The following TUBA3E variants were observed in gnomAD, a reference collection of about 807,000 sequenced individuals.
The protein encoded by TUBA3E is tubulin alpha-3E chain.
In TUBA3E, 21 loss-of-function variants were observed where a neutral mutation model predicts 36.7. That is an observed-to-expected ratio of 0.57 (90% CI 0.41 to 0.83). TUBA3E has a LOEUF of 0.83. Among genes scored for constraint, TUBA3E ranks in the 40% least tolerant of loss-of-function variants. The pLI is 0.00. For synonymous variants in TUBA3E, 177 were observed against 241.9 expected (o/e 0.73, Z 2.49); for missense variants, 469 against 604.2 (o/e 0.78, Z 2.35).
chr2:130,195,094 G>A lies in TUBA3E; in HGVS notation c.360C>T (p.Asp120=), dbSNP rs375882916. The A allele has an allele frequency of 2.4e-5, 38 of 1,613,020 alleles. No homozygotes were observed. The highest frequency in any genetic ancestry group is 5.0e-5 in the Admixed American group (3 of 59,932). ...CTCTTCTTACCAGTTTGCGGATCCGGTCCAGGACTAGGTCAACAATCTCCT... is the reference window on the plus strand; with the variant it reads ...CTCTTCTTACCAGTTTGCGGATCCGATCCAGGACTAGGTCAACAATCTCCT... ...IGKEIVDLVL[D]RIRKLADLCT... Residue 120 remains aspartate, a synonymous_variant, in exon 3 of 5, where the codon GAC becomes GAT. Coordinates refer to ENST00000312988, the MANE Select transcript of TUBA3E (RefSeq NM_207312.3).
chr2:130,193,798 C>A lies in TUBA3E; in HGVS notation c.1044G>T (p.Pro348=), dbSNP rs145603121. 724 of 1,607,822 alleles carry A rather than the reference C, an allele frequency of 4.5e-4. 3 individuals carry two copies. In the African/African-American group the frequency reaches 8.4e-3, roughly 19 times the overall value. Residue 348 remains proline (P), a synonymous_variant, in exon 4 of 5, where the codon CCG becomes CCT. Transcript: ENST00000312988. ...KRTIQFVDWC[P]TGFKVGINYQ... is the part of the protein sequence containing the mutation. ...CACCCAGTCATACCTTAAATCCAGTCGGGCACCAATCCACAAACTGGATAG... is the reference window on the plus strand; with the variant it reads ...CACCCAGTCATACCTTAAATCCAGTAGGGCACCAATCCACAAACTGGATAG...
At chr2:130,196,085 C>T (rs1261419026) in intron 2 of TUBA3E, 64 bp downstream of exon 2, 56 of 1,435,196 alleles carry the variant, frequency 3.9e-5, no homozygotes, top group Middle Eastern at 2.4e-4. Context: ...GGAGCCCACA[C>T]GGGGCTTTAC....
In TUBA3E at chr2:130,194,019, C is replaced by T; in HGVS notation, c.823G>A (p.Val275Ile). ...IHFPLATYAP[V>I]ISAEKAYHEQ... ...TGGTAGGCCTTCTCAGCTGAGATGA[C>T]TGGGGCGTAGGTGGCCAGGGGGAAG... is the stretch of plus-strand genomic sequence containing the variant. The change falls in exon 4 of 5, where the codon GTC becomes ATC. Residue 275 changes from valine (V) to isoleucine (I), a missense_variant. This residue lies in a region of TUBA3E where 296 missense variants were observed against 346.9 expected (regional missense o/e 0.85). Coordinates refer to ENST00000312988, the MANE Select transcript of TUBA3E (RefSeq NM_207312.3). 10 of 1,614,172 alleles carry T rather than the reference C, an allele frequency of 6.2e-6. No individual in the cohort carries two copies. Among genetic ancestry groups the T allele is most frequent in the Non-Finnish European group, 8.5e-6 (10 of 1,180,026 alleles).
In TUBA3E at chr2:130,198,208, A is replaced by T. The variant is rs6715912; in HGVS notation, c.3+150T>A. ...GCCCTGGGACCTGCAGATCCAGGAA[A>T]CGATCCCGTGTCCTCCTGTCCCGCA... On this transcript the variant is annotated intron_variant, in intron 1 of 4. Transcript: ENST00000312988. 0.015 allele frequency: 13,694 copies of T among 920,682 alleles called. 3,685 individuals carry two copies. In the African/African-American group the frequency reaches 0.22, roughly 15 times the overall value. 57.0% of individuals were successfully genotyped at this position (920,682 alleles called of 1,614,324 possible). A position where few individuals can be genotyped will look rare whatever the true frequency, so the allele number is the denominator to read the frequency against.
At chr2:130,195,619 C>T (rs1690385257) in intron 2 of TUBA3E, among the ~76,000 whole-genome samples, 1 of 152,252 alleles carries the variant, frequency 6.6e-6, no homozygotes, top group East Asian at 1.9e-4. Context: ...CCCATCAGGG[C>T]ACCCTGGATG....
In TUBA3E at chr2:130,194,736, G is replaced by A. The variant is rs2314000; in HGVS notation, c.376-270C>T. ...TCTGTTGCCCAGGTTAGAGTGCAGT[G>A]GTGCAATCTCAGCTCACTGCAACCT... On this transcript the variant is annotated intron_variant, in intron 3 of 4. Coordinates refer to ENST00000312988, the MANE Select transcript of TUBA3E (RefSeq NM_207312.3). 2.0e-5 allele frequency among the ~76,000 whole-genome samples: 3 copies of A among 152,244 alleles called. 1 individual carries two copies. The highest frequency in any genetic ancestry group is 4.1e-4 in the South Asian group (2 of 4,822).
rs750161838 is a variant in TUBA3E, at chr2:130,193,968, T to C, written c.874A>G (p.Thr292Ala). Residue 292 changes from threonine (T) to alanine (A), a missense_variant, in exon 4 of 5, where the codon ACC (threonine) becomes GCC (alanine). Physicochemically the swap from Thr to Ala is moderately conservative, Grantham distance 58. Coordinates refer to ENST00000312988, the MANE Select transcript of TUBA3E (RefSeq NM_207312.3). Reference protein sequence around the residue: ...YHEQLSVAEITNACFEPANQM... With the variant: ...YHEQLSVAEIANACFEPANQM... ...TTGGCTGGCTCGAAGCAGGCATTGG[T>C]GATCTCGGCCACAGACAGCTGCTCG... 5 of 1,614,202 alleles carry C rather than the reference T, an allele frequency of 3.1e-6. No individual in the cohort carries two copies. Among genetic ancestry groups the C allele is most frequent in the Non-Finnish European group, 4.2e-6 (5 of 1,180,046 alleles).
At chr2:130,196,493 A>G (rs946339211) in intron 1 of TUBA3E, 122 bp from the exon 2 acceptor site, 7 of 1,384,824 alleles carry the variant, frequency 5.1e-6, no homozygotes, top group African/African-American at 2.9e-5. Flanking sequence ...TTCACAATCG[A>G]TATTTCCTAG....
rs540366073 is a variant in TUBA3E, at chr2:130,193,796, G to A, written c.1046C>T (p.Thr349Ile). 1 of 1,607,766 alleles carries A rather than the reference G, an allele frequency of 6.2e-7. No individual in the cohort carries two copies. The highest frequency in any genetic ancestry group is 1.3e-5 in the African/African-American group (1 of 74,968). Reference protein sequence around the residue: ...RTIQFVDWCPTGFKVGINYQP... With the variant: ...RTIQFVDWCPIGFKVGINYQP... ...GTCACCCAGTCATACCTTAAATCCA[G>A]TCGGGCACCAATCCACAAACTGGAT... The change falls in exon 4 of 5, where the codon ACT becomes ATT. Residue 349 changes from threonine (T) to isoleucine (I), a missense_variant. Thr to Ile is a moderately conservative substitution (Grantham distance 89, BLOSUM62 -1). Transcript: ENST00000312988.
rs1328126756 is a variant in TUBA3E, at chr2:130,191,870, A to G, written c.1314T>C (p.Asp438=). The change falls in exon 5 of 5, where the codon GAT becomes GAC. Residue 438 remains aspartate, a synonymous_variant. Transcript: ENST00000312988. ...LEKDCEEVGV[D]SVEAEAEEGE... is the part of the protein sequence containing the mutation. ...CTTCTTCAGCCTCAGCTTCCACGGA[A>G]TCCACGCCCACCTCTTCACAATCCT... The G allele has an allele frequency of 6.2e-7, 1 of 1,613,614 alleles. No individual in the cohort carries two copies. The highest frequency in any genetic ancestry group is 8.5e-7 in the Non-Finnish European group (1 of 1,179,748).
In TUBA3E at chr2:130,196,240, C is replaced by G; in HGVS notation, c.135G>C (p.Gly45=). 6.2e-7 allele frequency: 1 copy of G among 1,613,972 alleles called. No homozygotes were observed. The highest frequency in any genetic ancestry group is 8.5e-7 in the Non-Finnish European group (1 of 1,179,874). The change falls in exon 2 of 5, where the codon GGG becomes GGC. Residue 45 remains glycine (G), a synonymous_variant. Transcript: ENST00000312988. ...QMPSDKTIGG[G]DDSFNTFFSE... is the part of the protein sequence containing the mutation. ...TGAAGAACGTGTTGAAGGAGTCGTC[C>G]CCGCCACCAATGGTTTTATCACTTG...
intron 4 of TUBA3E, among the ~76,000 whole-genome samples, chr2:130,193,119 G>A (rs542148116): frequency 1.3e-5 from 2 of 151,930 alleles, no homozygotes; most frequent in African/African-American, 2.4e-5. Context: ...CCCGGGCATG[G>A]TGGTACATGT....
Position 130,191,789 on chromosome 2 carries a change from C to A in TUBA3E, c.*42G>T. The A allele has an allele frequency of 1.3e-6, 2 of 1,578,716 alleles. No individual in the cohort carries two copies. On this transcript the variant is annotated 3_prime_UTR_variant, in exon 5 of 5. Coordinates refer to ENST00000312988, the MANE Select transcript of TUBA3E (RefSeq NM_207312.3). ...TTAATTGCAAACAACTTGAAAGCAGCCATCCTAGGGGTGGCAGGGGAGAAC... is the reference window on the plus strand; with the variant it reads ...TTAATTGCAAACAACTTGAAAGCAGACATCCTAGGGGTGGCAGGGGAGAAC...
intron 1 of TUBA3E, among the ~76,000 whole-genome samples, chr2:130,196,908 G>A (rs938919859): frequency 1.3e-5 from 2 of 152,076 alleles, no homozygotes; most frequent in Non-Finnish European, 2.9e-5. Context: ...GGCCTTCCTC[G>A]CCCTCTGGCT....
chr2:130,194,494 A>G (rs750099891), intron 3 of TUBA3E, 28 bp from the exon 4 acceptor site: 39 of 1,522,738 alleles, frequency 2.6e-5, no homozygotes, highest in Non-Finnish European at 3.2e-5. Context: ...ACGTGAGCCA[A>G]TGCCCGTGGA....
chr2:130,192,533 A>T (rs1690292055), intron 4 of TUBA3E, among the ~76,000 whole-genome samples: 1 of 152,228 alleles, frequency 6.6e-6, no homozygotes, highest in African/African-American at 2.4e-5. Flanking sequence ...CACAAGGAAC[A>T]TCATACCCAC....
In TUBA3E at chr2:130,195,209, G is replaced by A. The variant is rs750710620; in HGVS notation, c.245C>T (p.Thr82Ile). The A allele has an allele frequency of 1.9e-6, 3 of 1,613,850 alleles. No individual in the cohort carries two copies. Among genetic ancestry groups the A allele is most frequent in the Admixed American group, 1.7e-5 (1 of 59,976 alleles). ...CTCTGGGTGGAAGAGCTGCCTGTAG[G>A]TCCCTGTGCGCACTTCATCTGCAAA... is the stretch of plus-strand genomic sequence containing the variant. ...PTVVDEVRTGTYRQLFHPEQL... is the reference protein window; with the variant it reads ...PTVVDEVRTGIYRQLFHPEQL... The change falls in exon 3 of 5, where the codon ACC (threonine) becomes ATC (isoleucine). Residue 82 changes from threonine (T) to isoleucine (I), a missense_variant. Physicochemically the swap from Thr to Ile is moderately conservative, Grantham distance 89 (BLOSUM62 -1). Coordinates refer to ENST00000312988, the MANE Select transcript of TUBA3E (RefSeq NM_207312.3).
chr2:130,196,913 C>T (rs1485856390), intron 1 of TUBA3E, among the ~76,000 whole-genome samples: 1 of 152,206 alleles, frequency 6.6e-6, no homozygotes, highest in Non-Finnish European at 1.5e-5. Context: ...TCCTCGCCCT[C>T]TGGCTTCTTG....
chr2:130,196,741 C>T (rs1438212362), intron 1 of TUBA3E, among the ~76,000 whole-genome samples: 1 of 152,180 alleles, frequency 6.6e-6, no homozygotes, highest in African/African-American at 2.4e-5. Flanking sequence ...ATAAGGTAGT[C>T]GGGTTGGGTA....
Sources: gnomAD v4.1 joint callset for allele counts (sites outside exome capture counted in the v4.1 genomes callset) on GRCh38, gnomAD v4.1.1 for gene constraint, gnomAD v4.1.1 regional missense constraint, MANE v1.5 for transcripts, NCBI Gene and HGNC (gene_info 2026-07-23, HGNC 2026-07-21) for gene names.